The following PCSK5 variants were observed in gnomAD, a reference collection of about 807,000 sequenced individuals.
PCSK5 encodes prohormone convertase 5.
Under a neutral mutation model 233.2 loss-of-function variants are expected in PCSK5, and 129 were observed. The observed-to-expected ratio is 0.55, with a 90% confidence interval of 0.48 to 0.64. The LOEUF is 0.64. Ranked by LOEUF, PCSK5 falls within the 30% of genes least tolerant of loss-of-function variation. The pLI, the probability that PCSK5 is intolerant of heterozygous loss-of-function variation, is 0.00. For synonymous variants in PCSK5, 825 were observed against 879.2 expected (o/e 0.94, Z 1.09); for missense variants, 2,076 against 2,430.1 (o/e 0.85, Z 3.06).
chr9:76,351,462 AAG>A (rs1491536212), intron 36 of PCSK5, among the ~76,000 whole-genome samples: 1 of 46,850 alleles, frequency 2.1e-5, no homozygotes, highest in Non-Finnish European at 4.6e-5. Flanking sequence ...GAAAGAAAGA[AAG>A]AAAGAAAGAA....
At chr9:76,151,695 T>G (rs926113650) in intron 10 of PCSK5, among the ~76,000 whole-genome samples, 1 of 152,242 alleles carries the variant, frequency 6.6e-6, no homozygotes, top group Non-Finnish European at 1.5e-5. Flanking sequence ...AGATCTTGGC[T>G]CACATGGATT....
At chr9:75,965,291 GGAGA>G (rs921302435) in intron 2 of PCSK5, among the ~76,000 whole-genome samples, 1 of 141,758 alleles carries the variant, frequency 7.1e-6, no homozygotes, top group African/African-American at 2.6e-5. Context: ...GTGTGTGTGT[GGAGA>G]GAGAGAGAGA....
At chr9:76,352,489 G>A (rs1830192789) in intron 36 of PCSK5, among the ~76,000 whole-genome samples, 1 of 152,054 alleles carries the variant, frequency 6.6e-6, no homozygotes, top group Non-Finnish European at 1.5e-5. Flanking sequence ...TATTCAAGAT[G>A]AAGTTGCTGT....
chr9:76,039,089 G>T (rs1218178200), intron 5 of PCSK5, among the ~76,000 whole-genome samples: 2 of 152,140 alleles, frequency 1.3e-5, no homozygotes. Context: ...ATTTCGGTAA[G>T]CAATTGCAAA....
At chr9:75,981,818 C>T (rs1325700467) in intron 2 of PCSK5, among the ~76,000 whole-genome samples, 1 of 152,148 alleles carries the variant, frequency 6.6e-6, no homozygotes, top group Non-Finnish European at 1.5e-5. Context: ...CTGCCTTGGC[C>T]TCCCAAAGTG....
chr9:75,908,937 C>CTG (rs1564074980), intron 1 of PCSK5, among the ~76,000 whole-genome samples: 7 of 89,508 alleles, frequency 7.8e-5, no homozygotes, highest in South Asian at 3.7e-4. Flanking sequence ...CTATCTCTCT[C>CTG]TCTGTCTATC....
intron 1 of PCSK5, among the ~76,000 whole-genome samples, chr9:75,925,996 G>A (rs1252153267): frequency 3.3e-5 from 5 of 152,220 alleles, no homozygotes; most frequent in South Asian, 2.1e-4. Context: ...GAAGAGGTTC[G>A]TCAACAAGAA....
chr9:76,326,408 T>C (rs1409383410), intron 32 of PCSK5, among the ~76,000 whole-genome samples: 1 of 151,876 alleles, frequency 6.6e-6, no homozygotes, highest in East Asian at 1.9e-4. Flanking sequence ...AAAAAATCTG[T>C]AAGCAGGATC....
rs555793622 is a variant in PCSK5 at position 76,277,161 on chromosome 9, C to T, written c.3143-15072C>T. On this transcript the variant is annotated intron_variant, in intron 24 of 37. Coordinates refer to ENST00000674117, the MANE Select transcript of PCSK5 (RefSeq NM_001372043.1). ...AGGAGAATCGCCTGAATCTGGGAGCCGGAGGTTGCAGTGAGATCATGCCAC... is the reference window on the plus strand; with the variant it reads ...AGGAGAATCGCCTGAATCTGGGAGCTGGAGGTTGCAGTGAGATCATGCCAC... Among the ~76,000 whole-genome samples, 165 of 152,108 alleles carry T rather than the reference C, an allele frequency of 1.1e-3. 2 individuals are homozygous for T. Among genetic ancestry groups the T allele is most frequent in the Middle Eastern group, 3.4e-3 (1 of 294 alleles).
chr9:76,253,918 C>CTTCAAAT (rs1826896867), intron 24 of PCSK5, among the ~76,000 whole-genome samples: 1 of 152,130 alleles, frequency 6.6e-6, no homozygotes, highest in Non-Finnish European at 1.5e-5. Context: ...CACTAGGATA[C>CTTCAAAT]ACAGGGTTGT....
chr9:76,254,038 A>G (rs1826899477), intron 24 of PCSK5, among the ~76,000 whole-genome samples: 1 of 152,116 alleles, frequency 6.6e-6, no homozygotes, highest in African/African-American at 2.4e-5. Flanking sequence ...TTAATTCAGG[A>G]CCAGGTTGAT....
intron 1 of PCSK5, among the ~76,000 whole-genome samples, chr9:75,928,621 AT>A (rs1385807678): frequency 1.9e-3 from 213 of 113,616 alleles, no homozygotes; most frequent in African/African-American, 7.6e-3. Flanking sequence ...ATATATATAT[AT>A]ATATATATAT....
chr9:76,302,097 A>G (rs1250059356), intron 27 of PCSK5, 40 bp from the exon 28 acceptor site: 3 of 749,234 alleles, frequency 4.0e-6, no homozygotes, highest in Middle Eastern at 3.9e-4. Flanking sequence ...TCCTTTTTGC[A>G]TTAAAAAAAA....
intron 5 of PCSK5, among the ~76,000 whole-genome samples, chr9:76,061,339 G>A (rs1252554372): frequency 6.6e-6 from 1 of 152,144 alleles, no homozygotes; most frequent in South Asian, 2.1e-4. Flanking sequence ...AAGTTAATCA[G>A]ATTATTATTG....
chr9:75,944,597 C>G (rs1442083983), intron 2 of PCSK5, among the ~76,000 whole-genome samples: 1 of 152,070 alleles, frequency 6.6e-6, no homozygotes, highest in Non-Finnish European at 1.5e-5. Context: ...TGTCTTTCCC[C>G]CTGCACCTTC....
intron 37 of PCSK5, among the ~76,000 whole-genome samples, chr9:76,357,233 A>C (rs1314956791): frequency 6.6e-6 from 1 of 152,190 alleles, no homozygotes; most frequent in Non-Finnish European, 1.5e-5. Flanking sequence ...CGGATTTCAA[A>C]ACTCTTAATA....
intron 4 of PCSK5, among the ~76,000 whole-genome samples, chr9:76,024,941 CTT>C (rs1350382423): frequency 1.3e-5 from 2 of 152,118 alleles, no homozygotes; most frequent in South Asian, 4.1e-4. Flanking sequence ...CATAGGAAAA[CTT>C]TATCATTTTG....
At chr9:76,044,635 G>A (rs1829301874) in intron 5 of PCSK5, among the ~76,000 whole-genome samples, 1 of 152,126 alleles carries the variant, frequency 6.6e-6, no homozygotes, top group African/African-American at 2.4e-5. Flanking sequence ...ATAACTTTTG[G>A]TATTAGAGCT....
chr9:76,141,784 T>A (rs1823236535), intron 10 of PCSK5, among the ~76,000 whole-genome samples: 1 of 152,104 alleles, frequency 6.6e-6, no homozygotes, highest in South Asian at 2.1e-4. Context: ...ATTAAGTAAG[T>A]CAGGCATTCC....
Sources: allele counts gnomAD v4.1 joint callset (sites outside exome capture counted in the v4.1 genomes callset), GRCh38; gene constraint gnomAD v4.1.1; transcripts MANE v1.5; gene names NCBI Gene and HGNC (gene_info 2026-07-23, HGNC 2026-07-21).